TUSC3: variants seen among roughly 807,000 people sequenced by gnomAD.
TUSC3 encodes the protein tumor suppressor candidate 3, also known as dolichyl-diphosphooligosaccharide--protein glycosyltransferase subunit TUSC3.
Under a neutral mutation model 44.8 loss-of-function variants are expected in TUSC3, and 45 were observed. The observed-to-expected ratio is 1.00, with a 90% confidence interval of 0.79 to 1.29. The LOEUF is 1.29. TUSC3 is among the 50% of genes most tolerant of loss of function. TUSC3 has a pLI of 0.00. For missense variants in TUSC3, 519 were observed against 437.9 expected (o/e 1.19, Z -1.65); for synonymous variants, 212 against 152.9 (o/e 1.39, Z -2.85).
intron 8 of TUSC3, among the ~76,000 whole-genome samples, chr8:15,745,298 GATTT>G (rs1435232963): frequency 6.6e-6 from 1 of 152,034 alleles, no homozygotes; most frequent in Non-Finnish European, 1.5e-5. Flanking sequence ...TTGGTGGAGT[GATTT>G]ATTTTTCTTT....
chr8:15,842,238 TG>T, the TUSC3 span, among the ~76,000 whole-genome samples: 2 of 152,096 alleles, frequency 1.3e-5, no homozygotes, highest in African/African-American at 4.8e-5. Context: ...CCTTCCGACT[TG>T]GGTTAGAAGT....
At chr8:15,661,804 A>G (rs1585204494) in intron 4 of TUSC3, among the ~76,000 whole-genome samples, 1 of 6,124 alleles carries the variant, frequency 1.6e-4, no homozygotes, top group African/African-American at 6.8e-4. Context: ...TAGTTTGTCT[A>G]TATATATATA....
chr8:15,704,929 G>A (rs138416513), intron 6 of TUSC3, among the ~76,000 whole-genome samples: 4 of 139,618 alleles, frequency 2.9e-5, no homozygotes, highest in Non-Finnish European at 6.2e-5. Flanking sequence ...TGGCTTCTTT[G>A]TTAATCCTGT....
At chr8:15,647,335 C>G (rs1806677598) in intron 2 of TUSC3, among the ~76,000 whole-genome samples, 1 of 152,238 alleles carries the variant, frequency 6.6e-6, no homozygotes, top group African/African-American at 2.4e-5. Context: ...ACCAGTTCAT[C>G]AAAATTATGA....
In TUSC3 at chr8:15,447,880, G is replaced by T. The variant is rs532129528; in HGVS notation, n.91+30575G>T. 1.3e-3 allele frequency among the ~76,000 whole-genome samples: 196 copies of T among 151,146 alleles called. 1 individual carries two copies. The highest frequency in any genetic ancestry group is 4.6e-3 in the African/African-American group (189 of 41,244). ...CCTCATCGTATTTATATATCACAAC[G>T]TATTGTCAAAAAAATTAAAGGATAT... On this transcript the variant is annotated intron_variant and non_coding_transcript_variant, in intron 1 of 5. Transcript: ENST00000503191.
chr8:15,744,827 G>C (rs1046426098), intron 8 of TUSC3, among the ~76,000 whole-genome samples: 1 of 151,836 alleles, frequency 6.6e-6, no homozygotes, highest in African/African-American at 2.4e-5. Flanking sequence ...TTTTAGATTT[G>C]GGGGTTTATG....
intron 1 of TUSC3, among the ~76,000 whole-genome samples, chr8:15,473,471 G>C (rs1402567150): frequency 6.6e-6 from 1 of 152,164 alleles, no homozygotes; most frequent in Non-Finnish European, 1.5e-5. Flanking sequence ...GTCACTCAAA[G>C]CATTGGTTTG....
intron 1 of TUSC3, among the ~76,000 whole-genome samples, chr8:15,569,303 T>G (rs1390008339): frequency 6.6e-6 from 1 of 152,170 alleles, no homozygotes; most frequent in African/African-American, 2.4e-5. Context: ...TTCTTGCTAC[T>G]TGCTGGAAAA....
At chr8:15,848,976 C>T in the TUSC3 span, among the ~76,000 whole-genome samples, 1 of 152,104 alleles carries the variant, frequency 6.6e-6, no homozygotes, top group South Asian at 2.1e-4. Context: ...TTTTTACAGG[C>T]AGAAATTCTG....
chr8:15,571,492 A>G (rs912620258), intron 1 of TUSC3, among the ~76,000 whole-genome samples: 1 of 152,178 alleles, frequency 6.6e-6, no homozygotes, highest in Non-Finnish European at 1.5e-5. Context: ...TAAAAATGCT[A>G]TATTGCTTAA....
At chr8:15,804,727 T>G in the TUSC3 span, among the ~76,000 whole-genome samples, 2 of 152,336 alleles carry the variant, frequency 1.3e-5, no homozygotes, top group African/African-American at 4.8e-5. Context: ...TATTATCACC[T>G]CAGAGTATAC....
At chr8:15,606,807 C>T (rs1037699155) in intron 1 of TUSC3, among the ~76,000 whole-genome samples, 19 of 151,862 alleles carry the variant, frequency 1.3e-4, no homozygotes, top group African/African-American at 3.4e-4. Context: ...TTTAAAGCTT[C>T]GTATGTATTA....
the TUSC3 span, among the ~76,000 whole-genome samples, chr8:15,836,144 A>ATT: frequency 5.3e-5 from 8 of 150,948 alleles, no homozygotes; most frequent in Middle Eastern, 3.4e-3. Context: ...TTATAAAATT[A>ATT]TTTTTTTTTG....
chr8:15,671,836 A>G (rs1807957856), intron 5 of TUSC3, among the ~76,000 whole-genome samples: 1 of 152,048 alleles, frequency 6.6e-6, no homozygotes, highest in Non-Finnish European at 1.5e-5. Flanking sequence ...GTATGAATAA[A>G]TGATACTTTT....
chr8:15,758,082 T>G, intron 10 of TUSC3: 1 of 1,311,742 alleles, frequency 7.6e-7, no homozygotes, highest in Non-Finnish European at 9.7e-7. Context: ...GTGGAGTTAA[T>G]CATTTGACAG....
intron 1 of TUSC3, among the ~76,000 whole-genome samples, chr8:15,595,170 T>C (rs1804012240): frequency 6.6e-6 from 1 of 152,164 alleles, no homozygotes; most frequent in Non-Finnish European, 1.5e-5. Flanking sequence ...CTTAAGGCCG[T>C]TTGGAGAACT....
upstream of TUSC3, among the ~76,000 whole-genome samples, chr8:15,539,303 G>C (rs1014375187): frequency 2.0e-5 from 3 of 148,562 alleles, no homozygotes; most frequent in Non-Finnish European, 4.5e-5. Context: ...GAACGGATCA[G>C]GCCCATATCA....
chr8:15,429,393 T>C (rs1799844443), intron 1 of TUSC3, among the ~76,000 whole-genome samples: 1 of 150,372 alleles, frequency 6.7e-6, no homozygotes, highest in Non-Finnish European at 1.5e-5. Flanking sequence ...TAGTTTGAAG[T>C]CAGGTAATGT....
At chr8:15,525,356 A>T (rs1801359608) in intron 2 of TUSC3, among the ~76,000 whole-genome samples, 1 of 152,114 alleles carries the variant, frequency 6.6e-6, no homozygotes, top group Admixed American at 6.6e-5. Flanking sequence ...TCTTGACTTT[A>T]TTGGCTGTGG....
Sources: allele counts gnomAD v4.1 joint callset (sites outside exome capture counted in the v4.1 genomes callset), GRCh38; gene constraint gnomAD v4.1.1; transcripts MANE v1.5; gene names NCBI Gene and HGNC (gene_info 2026-07-23, HGNC 2026-07-21).